Variants in PRKG1 observed in about 807,000 individuals in gnomAD.
PRKG1 encodes cGMP-dependent protein kinase 1.
A neutral mutation model predicts 88.1 loss-of-function variants in PRKG1; 35 were observed. The observed-to-expected ratio is 0.40, with a 90% CI of 0.30 to 0.53. The LOEUF (loss-of-function observed/expected upper bound fraction) is 0.53, where lower values mean the gene tolerates loss of function less well. PRKG1 is among the 20% of genes least tolerant of loss of function. The pLI, the probability that PRKG1 is intolerant of heterozygous loss-of-function variation, is 0.59. For missense variants in PRKG1, 540 were observed against 839.8 expected (o/e 0.64, Z 4.41); for synonymous variants, 303 against 292.5 (o/e 1.04, Z -0.37).
At chr10:51,967,499 T>C (rs188494515) in intron 5 of PRKG1, among the ~76,000 whole-genome samples, 260 of 152,126 alleles carry the variant, frequency 1.7e-3, no homozygotes, top group Middle Eastern at 3.4e-3. Flanking sequence ...ACATGGCACA[T>C]GTATACATAT....
At chr10:51,277,971 C>G (rs1037723024) in intron 2 of PRKG1, among the ~76,000 whole-genome samples, 2 of 152,172 alleles carry the variant, frequency 1.3e-5, no homozygotes, top group African/African-American at 4.8e-5. Flanking sequence ...ATTGCCCTGG[C>G]TAGAACTTCC....
rs1349417335 is a variant in PRKG1 at position 51,512,425 on chromosome 10, A to G, written c.592+44589A>G. On this transcript the variant is annotated intron_variant, in intron 3 of 17. Transcript: ENST00000373980. ...TGATCTCATTGTTCAATTTCCACCTATGAGTGAGAATATGCGGTGTTTGGT... is the reference window on the plus strand; with the variant it reads ...TGATCTCATTGTTCAATTTCCACCTGTGAGTGAGAATATGCGGTGTTTGGT... 2.2e-5 allele frequency among the ~76,000 whole-genome samples: 3 copies of G among 137,192 alleles called. No homozygotes were observed. In the East Asian group the frequency reaches 6.7e-4, roughly 31 times the overall value. The allele number at this position is 137,192 out of a possible 152,430, so 90.0% of individuals were successfully genotyped here. A position where few individuals can be genotyped will look rare whatever the true frequency, so the allele number is the denominator to read the frequency against.
chr10:51,911,540 A>G (rs932921712), intron 5 of PRKG1, among the ~76,000 whole-genome samples: 1 of 152,222 alleles, frequency 6.6e-6, no homozygotes, highest in African/African-American at 2.4e-5. Flanking sequence ...AGTACAGTCC[A>G]TACCAATGCT....
chr10:51,770,354 G>A (rs12250879), intron 3 of PRKG1, among the ~76,000 whole-genome samples: 1 of 152,104 alleles, frequency 6.6e-6, no homozygotes, highest in Non-Finnish European at 1.5e-5. Flanking sequence ...AAAGGACATG[G>A]CATCAGCAAT....
intron 2 of PRKG1, among the ~76,000 whole-genome samples, chr10:51,374,097 T>C (rs182999554): frequency 9.2e-6 from 1 of 108,384 alleles, no homozygotes. Flanking sequence ...AAAAAAAATA[T>C]ATATATATAT....
chr10:52,139,746 T>G (rs929013182), intron 8 of PRKG1, among the ~76,000 whole-genome samples: 1 of 152,092 alleles, frequency 6.6e-6, no homozygotes, highest in Admixed American at 6.6e-5. Flanking sequence ...CAAGGTAGAA[T>G]AGGTGATCAC....
chr10:51,816,809 T>C (rs1839599101), intron 4 of PRKG1, among the ~76,000 whole-genome samples: 1 of 152,208 alleles, frequency 6.6e-6, no homozygotes, highest in Non-Finnish European at 1.5e-5. Flanking sequence ...TTTCAAGCAA[T>C]TGAATAAATA....
rs61504053 is a variant in PRKG1 at position 52,108,825 on chromosome 10, CT to C, written c.936-24996del. 4.6e-3 allele frequency among the ~76,000 whole-genome samples: 564 copies of C among 122,718 alleles called. 1 individual carries two copies. Among genetic ancestry groups the C allele is most frequent in the African/African-American group, 0.013 (417 of 31,852 alleles). 80.5% of individuals were successfully genotyped at this position (122,718 alleles called of 152,430 possible). ...TATTAACCTGGGAGAACAAGTATTC[CT>C]TTTTTTTTTTTTTTTTTTGAGATGG... On this transcript the variant is annotated intron_variant, in intron 7 of 17. Coordinates refer to ENST00000373980, the MANE Select transcript of PRKG1 (RefSeq NM_006258.4).
In PRKG1 at chr10:51,258,309, A is replaced by G. The variant is rs79834038; in HGVS notation, c.478+104979A>G. 3.3e-4 allele frequency among the ~76,000 whole-genome samples: 50 copies of G among 152,326 alleles called. No homozygotes were observed. In the East Asian group the frequency reaches 8.7e-3, roughly 26 times the overall value. On this transcript the variant is annotated intron_variant, in intron 2 of 17. Coordinates refer to ENST00000373980, the MANE Select transcript of PRKG1 (RefSeq NM_006258.4). ...TAGTAAAATAATAGCTACTTTTACC[A>G]TTCTTATGTCTTTGGTTACCAGATT...
Position 51,450,220 on chromosome 10 carries a change from A to G in PRKG1, c.479-17503A>G, listed in dbSNP as rs986289213. Among the ~76,000 whole-genome samples the G allele has an allele frequency of 2.0e-5, 3 of 152,066 alleles. No individual in the cohort carries two copies. In the East Asian group the frequency reaches 5.8e-4, roughly 29 times the overall value. On this transcript the variant is annotated intron_variant, in intron 2 of 17. Coordinates refer to ENST00000373980, the MANE Select transcript of PRKG1 (RefSeq NM_006258.4). The stretch of plus-strand genomic sequence containing the variant: ...GTTCTTCAGTAATAGAAGAATGGTT[A>G]ACATAAACGTGTTAAGAAACAAAAT...
At chr10:51,797,157 T>G (rs1036438550) in intron 3 of PRKG1, among the ~76,000 whole-genome samples, 1 of 148,280 alleles carries the variant, frequency 6.7e-6, no homozygotes, top group African/African-American at 2.5e-5. Flanking sequence ...AATTGTGCCT[T>G]AAAAACTCTA....
chr10:51,119,303 T>C (rs1845206839), intron 1 of PRKG1, among the ~76,000 whole-genome samples: 1 of 152,098 alleles, frequency 6.6e-6, no homozygotes, highest in Non-Finnish European at 1.5e-5. Flanking sequence ...TTGATCTTTG[T>C]GATTTTCACT....
At chr10:51,285,621 T>A (rs2132211937) in intron 2 of PRKG1, among the ~76,000 whole-genome samples, 1 of 152,256 alleles carries the variant, frequency 6.6e-6, no homozygotes, top group African/African-American at 2.4e-5. Context: ...GTGAGACCAA[T>A]AAGCTCTAGG....
intron 2 of PRKG1, among the ~76,000 whole-genome samples, chr10:51,159,022 T>C (rs1846291840): frequency 1.3e-5 from 2 of 152,076 alleles, no homozygotes; most frequent in Admixed American, 1.3e-4. Flanking sequence ...CAGTGTGGTC[T>C]GCCTATTATG....
At chr10:51,645,121 A>T (rs1383974464) in intron 3 of PRKG1, among the ~76,000 whole-genome samples, 1 of 152,144 alleles carries the variant, frequency 6.6e-6, no homozygotes, top group Non-Finnish European at 1.5e-5. Context: ...CGCACCCAGC[A>T]TCTTGGTCAT....
intron 8 of PRKG1, among the ~76,000 whole-genome samples, chr10:52,150,171 A>ATT (rs1564490935): frequency 9.7e-6 from 1 of 103,062 alleles, no homozygotes; most frequent in South Asian, 3.4e-4. Flanking sequence ...TAATAATAAT[A>ATT]ATAATAATAA....
At chr10:51,322,811 T>C (rs1841489763) in intron 2 of PRKG1, among the ~76,000 whole-genome samples, 1 of 152,226 alleles carries the variant, frequency 6.6e-6, no homozygotes, top group African/African-American at 2.4e-5. Flanking sequence ...AAAGGATACC[T>C]TTCTACCCTC....
intron 5 of PRKG1, among the ~76,000 whole-genome samples, chr10:51,975,144 A>G (rs1419583185): frequency 1.3e-5 from 2 of 152,114 alleles, no homozygotes; most frequent in South Asian, 2.1e-4. Context: ...CAAGATATTT[A>G]TAAGTAACCA....
chr10:51,690,986 T>C (rs1480976273), intron 3 of PRKG1, among the ~76,000 whole-genome samples: 1 of 149,978 alleles, frequency 6.7e-6, no homozygotes, highest in Non-Finnish European at 1.5e-5. Context: ...ATCCATATCT[T>C]CATTCTAGAG....
Sources: gnomAD v4.1 joint callset for allele counts (sites outside exome capture counted in the v4.1 genomes callset) on GRCh38, gnomAD v4.1.1 for gene constraint, MANE v1.5 for transcripts, NCBI Gene and HGNC (gene_info 2026-07-23, HGNC 2026-07-21) for gene names.